The following CENPW variants were observed in gnomAD, a reference collection of about 807,000 sequenced individuals.
CENPW encodes the protein centromere protein W, also known as cancer-up-regulated gene 2 protein.
In CENPW, 3 loss-of-function variants were observed where a neutral mutation model predicts 11.1. That is an observed-to-expected ratio of 0.27 (90% CI 0.12 to 0.70). CENPW has a LOEUF of 0.70. Ranked by LOEUF, CENPW falls within the 30% of genes least tolerant of loss-of-function variation. The pLI, the probability that CENPW is intolerant of heterozygous loss-of-function variation, is 0.77. For synonymous variants in CENPW, 38 were observed against 42.0 expected, an observed-to-expected ratio of 0.91 and a Z score of 0.37; for missense variants, 100 against 105.6, an observed-to-expected ratio of 0.95 and a Z score of 0.23.
chr6:126,475,633 A>C, the CENPW span, among the ~76,000 whole-genome samples: 38 of 152,174 alleles, frequency 2.5e-4, no homozygotes, highest in Middle Eastern at 0.01. Flanking sequence ...CTTAGCAGTC[A>C]TCTCTGTTAA....
At chr6:126,467,796 A>T in the CENPW span, among the ~76,000 whole-genome samples, 1 of 152,132 alleles carries the variant, frequency 6.6e-6, no homozygotes, top group South Asian at 2.1e-4. Flanking sequence ...AAGGGGCAAA[A>T]ATGTAGTTTT....
chr6:126,355,644 A>G, the CENPW span, among the ~76,000 whole-genome samples: 1 of 152,184 alleles, frequency 6.6e-6, no homozygotes, highest in East Asian at 1.9e-4. Context: ...TCTTTAAAAT[A>G]TTAAGTTATA....
chr6:126,462,530 T>TCACACACACA, the CENPW span, among the ~76,000 whole-genome samples: 3 of 144,030 alleles, frequency 2.1e-5, no homozygotes, highest in African/African-American at 5.1e-5. Flanking sequence ...TCTCTCTCTC[T>TCACACACACA]CTCACACACA....
chr6:126,340,586 G>A (rs1433599951), intron 1 of CENPW, 187 bp downstream of exon 1: 3 of 779,206 alleles, frequency 3.9e-6, no homozygotes, highest in Non-Finnish European at 6.0e-6. Context: ...CTGGCGCTCA[G>A]TTGTACCGGG....
the CENPW span, among the ~76,000 whole-genome samples, chr6:126,379,314 T>C: frequency 6.6e-6 from 1 of 152,136 alleles, no homozygotes; most frequent in Non-Finnish European, 1.5e-5. Flanking sequence ...AGATTAAATT[T>C]TAAATTATGA....
the CENPW span, among the ~76,000 whole-genome samples, chr6:126,470,449 G>T: frequency 6.6e-6 from 1 of 152,254 alleles, no homozygotes. Context: ...TGTCCAGGAA[G>T]AAGTCTGCTT....
At chr6:126,477,481 C>G in the CENPW span, among the ~76,000 whole-genome samples, 1 of 151,736 alleles carries the variant, frequency 6.6e-6, no homozygotes, top group African/African-American at 2.4e-5. Flanking sequence ...TTGAACCAAC[C>G]ATTTTTAAGA....
the CENPW span, among the ~76,000 whole-genome samples, chr6:126,396,732 G>T: frequency 1.3e-5 from 2 of 152,038 alleles, no homozygotes. Context: ...GTTACTGCTG[G>T]TTATTCAAAG....
chr6:126,457,205 G>A, the CENPW span, among the ~76,000 whole-genome samples: 1 of 151,210 alleles, frequency 6.6e-6, no homozygotes, highest in Admixed American at 6.6e-5. Context: ...ATACCAATAT[G>A]GGAGTATATA....
At chr6:126,415,989 G>A in the CENPW span, among the ~76,000 whole-genome samples, 1 of 152,170 alleles carries the variant, frequency 6.6e-6, no homozygotes, top group African/African-American at 2.4e-5. Flanking sequence ...GCAGAGGTTG[G>A]AACAGTTTGG....
the CENPW span, among the ~76,000 whole-genome samples, chr6:126,471,328 A>G: frequency 6.6e-6 from 1 of 152,110 alleles, no homozygotes; most frequent in African/African-American, 2.4e-5. Context: ...TCATGTGAAG[A>G]AGGTGCCTGC....
chr6:126,386,870 C>T, the CENPW span, among the ~76,000 whole-genome samples: 1 of 151,764 alleles, frequency 6.6e-6, no homozygotes, highest in Non-Finnish European at 1.5e-5. Context: ...CATGGGAGTG[C>T]CAAGGTAGGA....
the CENPW span, among the ~76,000 whole-genome samples, chr6:126,430,015 C>G: frequency 5.3e-5 from 8 of 152,322 alleles, no homozygotes; most frequent in African/African-American, 1.9e-4. Flanking sequence ...TGTCCTCAGA[C>G]TCCAAGGTTG....
the CENPW span, among the ~76,000 whole-genome samples, chr6:126,398,091 T>C: frequency 2.6e-5 from 4 of 152,204 alleles, no homozygotes; most frequent in Non-Finnish European, 2.9e-5. Flanking sequence ...TTTACTCCTA[T>C]TGTGCAGACA....
chr6:126,402,257 C>T, the CENPW span, among the ~76,000 whole-genome samples: 127 of 151,900 alleles, frequency 8.4e-4, 1 homozygote, highest in Non-Finnish European at 1.5e-3. Flanking sequence ...TCTTTCCTTT[C>T]ATTCCCCTTT....
chr6:126,384,228 A>C, the CENPW span, among the ~76,000 whole-genome samples: 1 of 152,124 alleles, frequency 6.6e-6, no homozygotes, highest in South Asian at 2.1e-4. Flanking sequence ...AGCATACCAG[A>C]ATTTCTGGGA....
intron 1 of CENPW, among the ~76,000 whole-genome samples, chr6:126,345,132 A>G (rs1021245600): frequency 1.2e-4 from 18 of 151,848 alleles, no homozygotes. Flanking sequence ...CTTGGATTAC[A>G]TGTACTTTAA....
the CENPW span, among the ~76,000 whole-genome samples, chr6:126,414,141 C>T: frequency 4.0e-5 from 6 of 151,706 alleles, no homozygotes; most frequent in African/African-American, 9.7e-5. Context: ...TATGTATGCA[C>T]GAAGCACCAG....
At chr6:126,483,308 A>C in the CENPW span, among the ~76,000 whole-genome samples, 2 of 151,884 alleles carry the variant, frequency 1.3e-5, no homozygotes, top group African/African-American at 4.8e-5. Context: ...AAAAGTGCTG[A>C]TAATTGATAT....
Sources: gnomAD v4.1 joint callset for allele counts (sites outside exome capture counted in the v4.1 genomes callset) on GRCh38, gnomAD v4.1.1 for gene constraint, MANE v1.5 for transcripts, NCBI Gene and HGNC (gene_info 2026-07-23, HGNC 2026-07-21) for gene names.